The following PTP4A1 variants were observed in gnomAD, a reference collection of about 807,000 sequenced individuals.
PTP4A1 encodes protein tyrosine phosphatase type IVA 1.
A neutral mutation model predicts 20.5 loss-of-function variants in PTP4A1; 9 were observed. That is an observed-to-expected ratio of 0.44 (90% CI 0.26 to 0.77). PTP4A1 has a LOEUF of 0.77. PTP4A1 is among the 30% of genes least tolerant of loss of function. The pLI, the probability that PTP4A1 is intolerant of heterozygous loss-of-function variation, is 0.19. For synonymous variants in PTP4A1, 78 were observed against 67.4 expected (o/e 1.16, Z -0.77); for missense variants, 137 against 218.8 (o/e 0.63, Z 2.36).
chr6:63,542,039 G>A (rs896857440), intron 2 of PTP4A1, among the ~76,000 whole-genome samples: 2 of 151,414 alleles, frequency 1.3e-5, no homozygotes, highest in African/African-American at 4.9e-5. Flanking sequence ...GTGTGTGTGT[G>A]TGTGTGTGTG....
chr6:63,534,609 G>A (rs567721996), intron 2 of PTP4A1, among the ~76,000 whole-genome samples: 4 of 151,870 alleles, frequency 2.6e-5, no homozygotes, highest in African/African-American at 9.7e-5. Flanking sequence ...GAGCCCAAGA[G>A]TTAGCCCAGG....
intron 1 of PTP4A1, among the ~76,000 whole-genome samples, chr6:63,575,218 G>A (rs1777778071): frequency 1.3e-5 from 2 of 152,138 alleles, no homozygotes; most frequent in African/African-American, 2.4e-5. Flanking sequence ...ATTTAAGCAT[G>A]GAAACTAATG....
intron 3 of PTP4A1, among the ~76,000 whole-genome samples, chr6:63,553,545 T>C (rs145054553): frequency 1.4e-3 from 219 of 152,366 alleles, no homozygotes; most frequent in Non-Finnish European, 2.3e-3. Flanking sequence ...TATTTTAGTG[T>C]CTCAGTGTAG....
upstream of PTP4A1, chr6:63,571,581 G>A (rs1481424241): frequency 6.6e-6 from 1 of 152,296 alleles, no homozygotes; most frequent in East Asian, 1.9e-4. Context: ...TTACATCAGT[G>A]CTTGACAAAA....
intron 2 of PTP4A1, among the ~76,000 whole-genome samples, chr6:63,543,577 T>G (rs1776067931): frequency 1.3e-5 from 2 of 152,200 alleles, no homozygotes; most frequent in African/African-American, 4.8e-5. Context: ...GGCAGAGTGT[T>G]GATGATTGAA....
intron 3 of PTP4A1, among the ~76,000 whole-genome samples, chr6:63,551,710 C>T (rs1218467610): frequency 4.0e-5 from 6 of 150,624 alleles, no homozygotes; most frequent in East Asian, 2.0e-4. Flanking sequence ...CAACAGGCCC[C>T]GGTGTGTGAT....
rs557824212 is a variant in PTP4A1 at position 63,523,210 on chromosome 6, A to G, written c.-906+1384A>G. Among the ~76,000 whole-genome samples, 159 of 152,202 alleles carry G rather than the reference A, an allele frequency of 1.0e-3. 2 individuals are homozygous for G. Among genetic ancestry groups the G allele is most frequent in the African/African-American group, 3.6e-3 (151 of 41,524 alleles). On this transcript the variant is annotated intron_variant, in intron 1 of 3. Transcript: ENST00000639568. Reference sequence around the variant, plus strand: ...TTTTACATCACTCTTACGAGTCATCAAAAACAACTATAAAGTAAGTGTCTA... The same window carrying G: ...TTTTACATCACTCTTACGAGTCATCGAAAACAACTATAAAGTAAGTGTCTA...
intron 5 of PTP4A1, among the ~76,000 whole-genome samples, chr6:63,579,693 CAT>C (rs902998151): frequency 5.3e-5 from 8 of 152,178 alleles, no homozygotes; most frequent in African/African-American, 1.9e-4. Context: ...CAATACAACA[CAT>C]AGAATATTTT....
intron 3 of PTP4A1, among the ~76,000 whole-genome samples, chr6:63,562,287 C>A (rs1483199341): frequency 6.6e-6 from 1 of 151,502 alleles, no homozygotes; most frequent in African/African-American, 2.4e-5. Context: ...ACAACCTTCG[C>A]CTCCCGGGTT....
At position 63,579,246 on chromosome 6, in the gene PTP4A1, T is replaced by A; in HGVS notation, c.330-11T>A. ...TGAAAAAACTATTTATCAAAATTCT[T>A]ACCTCACCAGAGCTCCAGTACTTGT... On this transcript the variant is annotated splice_polypyrimidine_tract_variant and intron_variant, in intron 4 of 5. Transcript: ENST00000626021. 1 of 1,594,028 alleles carries A rather than the reference T, an allele frequency of 6.3e-7. No individual in the cohort carries two copies. The highest frequency in any genetic ancestry group is 8.5e-7 in the Non-Finnish European group (1 of 1,172,048).
intron 2 of PTP4A1, among the ~76,000 whole-genome samples, chr6:63,545,610 C>CAA (rs759062646): frequency 7.0e-6 from 1 of 142,030 alleles, no homozygotes; most frequent in Non-Finnish European, 1.5e-5. Flanking sequence ...GACTCTGTCT[C>CAA]AAAAAAAAAA....
chr6:63,557,976 G>A (rs766320769), intron 3 of PTP4A1, among the ~76,000 whole-genome samples: 21 of 151,130 alleles, frequency 1.4e-4, no homozygotes, highest in African/African-American at 2.7e-4. Flanking sequence ...TGCAACCTCC[G>A]CCTCCTGGGT....
chr6:63,572,272 C>A, upstream of PTP4A1: 1 of 186,886 alleles, frequency 5.4e-6, no homozygotes, highest in Non-Finnish European at 1.1e-5. Flanking sequence ...AGCCCCTTCC[C>A]TCCCCCGCCC....
chr6:63,516,897 G>T (rs374609992), upstream of PTP4A1, among the ~76,000 whole-genome samples: 4 of 152,254 alleles, frequency 2.6e-5, no homozygotes, highest in Admixed American at 6.5e-5. Flanking sequence ...TGTGCCAGAG[G>T]TATTAGACAG....
chr6:63,535,960 A>T (rs1449553088), intron 2 of PTP4A1, among the ~76,000 whole-genome samples: 4 of 152,038 alleles, frequency 2.6e-5, no homozygotes, highest in African/African-American at 9.6e-5. Context: ...TTTTGTAGAG[A>T]CAGTGTTTCA....
intron 2 of PTP4A1, among the ~76,000 whole-genome samples, chr6:63,540,395 C>T (rs1231286709): frequency 6.6e-6 from 1 of 151,952 alleles, no homozygotes; most frequent in East Asian, 1.9e-4. Flanking sequence ...CTGAGGCAGG[C>T]AGATTGCTTG....
chr6:63,576,907 T>C lies in PTP4A1; in HGVS notation c.27T>C (p.Pro9=). 1 of 1,613,764 alleles carries C rather than the reference T, an allele frequency of 6.2e-7. No homozygotes were observed. Among genetic ancestry groups the C allele is most frequent in the Non-Finnish European group, 8.5e-7 (1 of 1,179,986 alleles). Reference sequence around the variant, plus strand: ...TGGCTCGAATGAACCGCCCAGCTCCTGTGGAAGTCACATACAAGAACATGA... The same window carrying C: ...TGGCTCGAATGAACCGCCCAGCTCCCGTGGAAGTCACATACAAGAACATGA... The part of the protein sequence containing the change: MARMNRPA[P]VEVTYKNMRF... Residue 9 remains proline, a synonymous_variant, in exon 2 of 6, where the codon CCT becomes CCC. Coordinates refer to ENST00000626021, the MANE Select transcript of PTP4A1 (RefSeq NM_003463.5).
At chr6:63,522,862 CT>C (rs559181707) in intron 1 of PTP4A1, among the ~76,000 whole-genome samples, 2,726 of 126,354 alleles carry the variant, frequency 0.022, 23 homozygotes, top group African/African-American at 0.049. Context: ...GACTAAATCA[CT>C]TTTTTTTTTT....
chr6:63,567,549 C>A (rs1777243556), upstream of PTP4A1, among the ~76,000 whole-genome samples: 1 of 152,148 alleles, frequency 6.6e-6, no homozygotes, highest in Admixed American at 6.5e-5. Flanking sequence ...GTGCTGTCAA[C>A]CAGGTTTTGT....
Sources: allele counts gnomAD v4.1 joint callset (sites outside exome capture counted in the v4.1 genomes callset), GRCh38; gene constraint gnomAD v4.1.1; transcripts MANE v1.5; gene names NCBI Gene and HGNC (gene_info 2026-07-23, HGNC 2026-07-21).